Variants in SHISA9 observed in about 807,000 individuals in gnomAD.
SHISA9 encodes shisa family member 9, also known as protein shisa-9.
Under a neutral mutation model 38.0 loss-of-function variants are expected in SHISA9, and 13 were observed. The ratio of observed to expected loss-of-function variants is 0.34; its 90% CI spans 0.22 to 0.54. The LOEUF is 0.54. Among genes scored for constraint, SHISA9 ranks in the 20% least tolerant of loss-of-function variants. SHISA9 has a pLI of 0.91. For synonymous variants in SHISA9, 275 were observed against 242.0 expected (o/e 1.14, Z -1.27); for missense variants, 538 against 575.8 (o/e 0.93, Z 0.67).
chr16:13,133,128 A>G (rs1053486868), intron 2 of SHISA9, among the ~76,000 whole-genome samples: 1 of 152,210 alleles, frequency 6.6e-6, no homozygotes, highest in African/African-American at 2.4e-5. Context: ...CAAAACGTAG[A>G]CAAATAAGGT....
At chr16:13,505,051 A>G in the SHISA9 span, among the ~76,000 whole-genome samples, 4 of 152,172 alleles carry the variant, frequency 2.6e-5, no homozygotes, top group African/African-American at 7.2e-5. Flanking sequence ...TGTGGTTTGA[A>G]TGCTCCATAG....
intron 2 of SHISA9, among the ~76,000 whole-genome samples, chr16:13,085,654 C>A (rs1012849249): frequency 6.6e-6 from 1 of 152,108 alleles, no homozygotes; most frequent in Admixed American, 6.5e-5. Flanking sequence ...GTAGGTGCAC[C>A]GCCTGGGTGT....
At chr16:13,184,431 T>C (rs756367841) in intron 2 of SHISA9, among the ~76,000 whole-genome samples, 4 of 152,234 alleles carry the variant, frequency 2.6e-5, no homozygotes, top group African/African-American at 7.2e-5. Flanking sequence ...CGTTTCTAAG[T>C]AGGGTGATGT....
chr16:12,969,160 A>AG (rs978537415), intron 2 of SHISA9, among the ~76,000 whole-genome samples: 1 of 150,690 alleles, frequency 6.6e-6, no homozygotes, highest in Non-Finnish European at 1.5e-5. Flanking sequence ...CCATCTCAAA[A>AG]GAAAAAAAAA....
At chr16:13,494,435 T>C in the SHISA9 span, among the ~76,000 whole-genome samples, 1 of 150,864 alleles carries the variant, frequency 6.6e-6, no homozygotes, top group African/African-American at 2.4e-5. Context: ...GTTTTATCTT[T>C]AAAAAGAAGG....
chr16:13,288,226 G>C, the SHISA9 span, among the ~76,000 whole-genome samples: 14 of 152,118 alleles, frequency 9.2e-5, no homozygotes, highest in African/African-American at 3.4e-4. Flanking sequence ...GTTGGCTATT[G>C]GTCAGCTTAG....
chr16:13,458,626 A>G, the SHISA9 span: 3 of 387,660 alleles, frequency 7.7e-6, no homozygotes, highest in Non-Finnish European at 1.5e-5. Context: ...TCAAAGATAC[A>G]ACACTATTAT....
At chr16:12,948,843 G>GA (rs1020170769) in intron 2 of SHISA9, among the ~76,000 whole-genome samples, 3 of 151,798 alleles carry the variant, frequency 2.0e-5, no homozygotes, top group Non-Finnish European at 4.4e-5. Flanking sequence ...GTTCATATCT[G>GA]AAAAAACACA....
chr16:13,302,713 C>T, the SHISA9 span, among the ~76,000 whole-genome samples: 9 of 152,138 alleles, frequency 5.9e-5, no homozygotes, highest in East Asian at 9.6e-4. Flanking sequence ...TTCATTCATG[C>T]GAGTACGACT....
At chr16:13,087,275 C>T (rs1261752764) in intron 2 of SHISA9, among the ~76,000 whole-genome samples, 3 of 150,422 alleles carry the variant, frequency 2.0e-5, no homozygotes, top group East Asian at 1.9e-4. Context: ...GTGAATAGTG[C>T]CGCAATAAAC....
chr16:12,908,544 G>A (rs1377090990), intron 1 of SHISA9: 2 of 1,551,814 alleles, frequency 1.3e-6, no homozygotes, highest in Non-Finnish European at 1.7e-6. Context: ...CCTGCCCCTG[G>A]AGAGTGGAGT....
At chr16:13,319,077 C>T in the SHISA9 span, among the ~76,000 whole-genome samples, 9 of 152,170 alleles carry the variant, frequency 5.9e-5, no homozygotes, top group African/African-American at 1.7e-4. Flanking sequence ...GTGAGATCTC[C>T]GCCCACTGCA....
chr16:12,983,000 A>G (rs556371468), intron 2 of SHISA9, among the ~76,000 whole-genome samples: 1 of 152,352 alleles, frequency 6.6e-6, no homozygotes, highest in South Asian at 2.1e-4. Context: ...ACCAAAAGAC[A>G]CAGCTACTCT....
the SHISA9 span, among the ~76,000 whole-genome samples, chr16:13,464,908 C>G: frequency 6.7e-6 from 1 of 149,976 alleles, no homozygotes; most frequent in Non-Finnish European, 1.5e-5. Context: ...CTTCCATAAA[C>G]CCTCAAACAG....
At chr16:13,525,355 G>A in the SHISA9 span, among the ~76,000 whole-genome samples, 34 of 152,226 alleles carry the variant, frequency 2.2e-4, no homozygotes, top group East Asian at 2.7e-3. Flanking sequence ...ACTTTCTGTC[G>A]AAGAGTCCGG....
At chr16:13,140,269 C>T (rs916547840) in intron 2 of SHISA9, among the ~76,000 whole-genome samples, 6 of 151,168 alleles carry the variant, frequency 4.0e-5, no homozygotes, top group African/African-American at 9.7e-5. Flanking sequence ...CTCCACCTCC[C>T]GGATTCAAGG....
Position 13,238,815 on chromosome 16 carries a change from T to TTTTTTATTA in SHISA9, c.*3408_*3409insTTTATTATT, listed in dbSNP as rs373980000. ...TTTTTTTTAATGTATCCATGGAGTA[T>TTTTTTATTA]TTATTATTATTATTATTATTATTAT... On this transcript the variant is annotated 3_prime_UTR_variant, in exon 5 of 5. Coordinates refer to ENST00000558583, the MANE Select transcript of SHISA9 (RefSeq NM_001145204.3). 1 of 136,142 alleles carries TTTTTTATTA rather than the reference T, an allele frequency of 7.3e-6. No individual in the cohort carries two copies. The highest frequency in any genetic ancestry group is 1.6e-5 in the Non-Finnish European group (1 of 63,860). The allele number at this position is 136,142 out of a possible 1,614,324, so 8.4% of individuals were successfully genotyped here.
intron 2 of SHISA9, among the ~76,000 whole-genome samples, chr16:13,101,641 C>T (rs183714419): frequency 6.6e-6 from 1 of 152,046 alleles, no homozygotes; most frequent in Non-Finnish European, 1.5e-5. Flanking sequence ...GCATATATAC[C>T]CAGAAGTGGG....
intron 2 of SHISA9, among the ~76,000 whole-genome samples, chr16:13,069,163 A>G (rs1478856293): frequency 3.3e-5 from 5 of 149,796 alleles, no homozygotes; most frequent in South Asian, 2.1e-4. Context: ...ATGTGTATAT[A>G]TGTGTGTACA....
Sources: gnomAD v4.1 joint callset for allele counts (sites outside exome capture counted in the v4.1 genomes callset) on GRCh38, gnomAD v4.1.1 for gene constraint, MANE v1.5 for transcripts, NCBI Gene and HGNC (gene_info 2026-07-23, HGNC 2026-07-21) for gene names.